CADM2: variants seen among roughly 807,000 people sequenced by gnomAD.
CADM2 encodes immunoglobulin superfamily member 4D.
Under a neutral mutation model 49.8 loss-of-function variants are expected in CADM2, and 12 were observed. That is an observed-to-expected ratio of 0.24 (90% CI 0.15 to 0.39). CADM2 has a LOEUF of 0.39. CADM2 is among the 10% of genes least tolerant of loss of function. The pLI is 1.00. For missense variants in CADM2, 378 were observed against 492.3 expected (o/e 0.77, Z 2.20); for synonymous variants, 214 against 175.4 (o/e 1.22, Z -1.74).
chr3:85,956,469 A>C (rs372231361), intron 7 of CADM2, among the ~76,000 whole-genome samples: 1 of 151,694 alleles, frequency 6.6e-6, no homozygotes, highest in Non-Finnish European at 1.5e-5. Flanking sequence ...TAATCTATGC[A>C]TAAACTCTAA....
chr3:85,158,750 G>C (rs931501527), intron 1 of CADM2, among the ~76,000 whole-genome samples: 2 of 152,064 alleles, frequency 1.3e-5, no homozygotes, highest in Admixed American at 6.6e-5. Context: ...TAGATGACGA[G>C]TTAGTGGGTG....
intron 1 of CADM2, among the ~76,000 whole-genome samples, chr3:85,280,778 T>A (rs1366383384): frequency 6.7e-6 from 1 of 149,404 alleles, no homozygotes; most frequent in Non-Finnish European, 1.5e-5. Flanking sequence ...TATTTATTGG[T>A]TGAAAACAAA....
intron 1 of CADM2, among the ~76,000 whole-genome samples, chr3:85,594,876 A>C (rs1399548257): frequency 1.3e-5 from 2 of 151,964 alleles, no homozygotes; most frequent in Non-Finnish European, 2.9e-5. Flanking sequence ...GCTTGTTACT[A>C]CTTGGCACCG....
chr3:85,959,118 A>G (rs1724484681), intron 7 of CADM2, among the ~76,000 whole-genome samples: 1 of 147,376 alleles, frequency 6.8e-6, no homozygotes, highest in South Asian at 2.1e-4. Flanking sequence ...CTATATCTAT[A>G]TAGCTATATA....
intron 1 of CADM2, among the ~76,000 whole-genome samples, chr3:85,100,250 A>G (rs2037961212): frequency 1.3e-5 from 2 of 152,252 alleles, no homozygotes; most frequent in South Asian, 4.1e-4. Flanking sequence ...TTTTAAAATC[A>G]CATTTGTTCT....
intron 1 of CADM2, among the ~76,000 whole-genome samples, chr3:85,383,847 A>G (rs1007925157): frequency 6.6e-6 from 1 of 152,036 alleles, no homozygotes; most frequent in African/African-American, 2.4e-5. Flanking sequence ...ACCACTATAT[A>G]GTATTTTGTT....
chr3:85,038,562 G>A (rs1189924290), intron 1 of CADM2, among the ~76,000 whole-genome samples: 1 of 152,134 alleles, frequency 6.6e-6, no homozygotes, highest in Non-Finnish European at 1.5e-5. Context: ...AGCCCAATAG[G>A]TGGCTTTGAT....
intron 1 of CADM2, among the ~76,000 whole-genome samples, chr3:85,293,820 A>G (rs1344080895): frequency 2.0e-5 from 3 of 148,768 alleles, no homozygotes; most frequent in Non-Finnish European, 4.5e-5. Flanking sequence ...TGACAAACCC[A>G]CAGCCAATAT....
intron 1 of CADM2, among the ~76,000 whole-genome samples, chr3:85,007,687 A>C (rs2033801052): frequency 6.6e-6 from 1 of 152,212 alleles, no homozygotes; most frequent in Non-Finnish European, 1.5e-5. Context: ...AACACAAAAA[A>C]TACCACAATG....
intron 1 of CADM2, among the ~76,000 whole-genome samples, chr3:85,132,894 C>G (rs1001505447): frequency 6.6e-6 from 1 of 152,088 alleles, no homozygotes; most frequent in African/African-American, 2.4e-5. Flanking sequence ...AAGCCGCGGA[C>G]CCTGGCGGTG....
At chr3:85,492,302 TA>T (rs2039707525) in intron 1 of CADM2, among the ~76,000 whole-genome samples, 1 of 152,154 alleles carries the variant, frequency 6.6e-6, no homozygotes, top group Admixed American at 6.5e-5. Flanking sequence ...ATAAATGGAA[TA>T]TTTCGAAGCC....
At chr3:85,607,315 T>C (rs186108146) in intron 1 of CADM2, among the ~76,000 whole-genome samples, 2 of 152,176 alleles carry the variant, frequency 1.3e-5, no homozygotes, top group East Asian at 3.9e-4. Context: ...CAGAGAATCT[T>C]GTGTGCTCAT....
chr3:86,052,297 A>C (rs549934623), intron 8 of CADM2, among the ~76,000 whole-genome samples: 4 of 152,258 alleles, frequency 2.6e-5, no homozygotes, highest in Non-Finnish European at 4.4e-5. Flanking sequence ...CTATCATTAA[A>C]ATTCTGGGAC....
chr3:85,325,148 A>G (rs1317665588), intron 1 of CADM2, among the ~76,000 whole-genome samples: 3 of 152,342 alleles, frequency 2.0e-5, no homozygotes, highest in African/African-American at 7.2e-5. Flanking sequence ...AATCATGGTT[A>G]CCTGCTAGCT....
At chr3:85,563,631 C>G (rs1004388020) in intron 1 of CADM2, among the ~76,000 whole-genome samples, 10 of 151,962 alleles carry the variant, frequency 6.6e-5, no homozygotes, top group Non-Finnish European at 1.2e-4. Context: ...TATCATTTTC[C>G]TGAGAACTTA....
At chr3:85,720,514 A>G (rs1483850368) in intron 1 of CADM2, among the ~76,000 whole-genome samples, 2 of 152,202 alleles carry the variant, frequency 1.3e-5, no homozygotes, top group African/African-American at 2.4e-5. Flanking sequence ...ATGTAACTCC[A>G]TAGCAAGTGT....
intron 1 of CADM2, among the ~76,000 whole-genome samples, chr3:85,699,964 A>T (rs759682308): frequency 1.3e-5 from 2 of 152,128 alleles, no homozygotes; most frequent in Non-Finnish European, 2.9e-5. Flanking sequence ...ATACCATTTG[A>T]CCCAGCAATC....
chr3:85,397,599 A>G (rs1276359923), intron 1 of CADM2, among the ~76,000 whole-genome samples: 1 of 152,226 alleles, frequency 6.6e-6, no homozygotes, highest in Non-Finnish European at 1.5e-5. Context: ...GAAACTTGAA[A>G]CTATTATGCT....
Position 85,979,350 on chromosome 3 carries a change from A to G in CADM2, c.970+17703A>G, listed in dbSNP as rs572070783. On this transcript the variant is annotated intron_variant, in intron 8 of 9. Transcript: ENST00000383699. ...CTGGAGCTCTGTAGAAGTTTTTAGA[A>G]AGGTTAAAAACATTGAGATTCAATT... is the stretch of plus-strand genomic sequence containing the variant. 11 of 1,540,494 alleles carry G rather than the reference A, an allele frequency of 7.1e-6. No homozygotes were observed. The East Asian group carries it at 1.4e-4, about 19-fold the overall frequency.
Sources: gnomAD v4.1 joint callset for allele counts (sites outside exome capture counted in the v4.1 genomes callset) on GRCh38, gnomAD v4.1.1 for gene constraint, MANE v1.5 for transcripts, NCBI Gene and HGNC (gene_info 2026-07-23, HGNC 2026-07-21) for gene names.